The following TRPM3 variants were observed in gnomAD, a reference collection of about 807,000 sequenced individuals.
The protein encoded by TRPM3 is long transient receptor potential channel 3.
A neutral mutation model predicts 181.2 loss-of-function variants in TRPM3; 77 were observed. The ratio of observed to expected loss-of-function variants is 0.42; its 90% CI spans 0.35 to 0.51. TRPM3 has a LOEUF of 0.51. Among genes scored for constraint, TRPM3 ranks in the 20% least tolerant of loss-of-function variants. TRPM3 has a pLI of 0.01. For synonymous variants in TRPM3, 745 were observed against 796.4 expected (o/e 0.94, Z 1.09); for missense variants, 1,759 against 2,196.7 (o/e 0.80, Z 3.98).
chr9:70,981,407 G>C (rs1564896952), intron 1 of TRPM3, among the ~76,000 whole-genome samples: 1 of 152,212 alleles, frequency 6.6e-6, no homozygotes, highest in Admixed American at 6.5e-5. Context: ...CAGCTGGAAA[G>C]GAGATAGAAG....
intron 8 of TRPM3, among the ~76,000 whole-genome samples, chr9:70,694,819 C>T (rs7023527): frequency 0.36 from 55,115 of 152,090 alleles, 10,244 homozygotes; most frequent in East Asian, 0.46. Context: ...GGGCAAATTA[C>T]CATTTTAAAA....
At chr9:70,844,502 A>G (rs920360546) in intron 4 of TRPM3, among the ~76,000 whole-genome samples, 1 of 152,220 alleles carries the variant, frequency 6.6e-6, no homozygotes, top group Non-Finnish European at 1.5e-5. Flanking sequence ...CCCCCAAAAA[A>G]GGCTGTGAAT....
At chr9:70,906,800 G>A (rs932136875) in intron 1 of TRPM3, among the ~76,000 whole-genome samples, 25 of 152,286 alleles carry the variant, frequency 1.6e-4, no homozygotes, top group African/African-American at 5.5e-4. Flanking sequence ...CTACTCAGGA[G>A]GCTGAGGCAG....
At chr9:71,367,346 A>T (rs962743329) in intron 1 of TRPM3, among the ~76,000 whole-genome samples, 1 of 152,208 alleles carries the variant, frequency 6.6e-6, no homozygotes, top group Non-Finnish European at 1.5e-5. Context: ...TGTCCCAGAC[A>T]CTAGGTCTAA....
intron 1 of TRPM3, among the ~76,000 whole-genome samples, chr9:70,957,498 A>G (rs1224111016): frequency 1.3e-5 from 2 of 152,138 alleles, no homozygotes. Context: ...TTGTGAAACA[A>G]TCATGTATCT....
At chr9:71,433,326 T>A (rs1340427735) in intron 1 of TRPM3, among the ~76,000 whole-genome samples, 1 of 152,172 alleles carries the variant, frequency 6.6e-6, no homozygotes, top group Non-Finnish European at 1.5e-5. Flanking sequence ...CTTGTGACAG[T>A]GAGTGAGTTC....
At chr9:70,825,860 T>C (rs2093523522) in intron 6 of TRPM3, 1 of 152,294 alleles carries the variant, frequency 6.6e-6, no homozygotes, top group African/African-American at 2.4e-5. Context: ...CTAGGCATTC[T>C]GGAAGGTGCC....
chr9:71,249,780 G>A (rs1013761442), intron 1 of TRPM3, among the ~76,000 whole-genome samples: 6 of 152,096 alleles, frequency 3.9e-5, no homozygotes, highest in Admixed American at 2.0e-4. Context: ...GGGAATCTAC[G>A]AGATAGGAAA....
intron 8 of TRPM3, among the ~76,000 whole-genome samples, chr9:70,747,487 A>G (rs1262764527): frequency 6.6e-6 from 1 of 152,154 alleles, no homozygotes; most frequent in Non-Finnish European, 1.5e-5. Context: ...ACTGCAGGCA[A>G]AACATTCTAC....
At chr9:71,162,199 CAAAAAAAAAAA>C (rs35947110) in intron 1 of TRPM3, among the ~76,000 whole-genome samples, 3 of 74,456 alleles carry the variant, frequency 4.0e-5, no homozygotes, top group Non-Finnish European at 7.4e-5. Context: ...GACTCTGTCT[CAAAAAAAAAAA>C]AAAAAAAAAA....
rs2131557820 is a variant in TRPM3 at position 70,534,380 on chromosome 9, A to G, written c.*1573T>C. On this transcript the variant is annotated 3_prime_UTR_variant, in exon 26 of 26. Coordinates refer to ENST00000677713, the MANE Select transcript of TRPM3 (RefSeq NM_001366145.2). ...AATTCATAATTTCAACATTTGGTCT[A>G]ATAGTATAATGAACTCTTTCAATGG... 1 of 152,358 alleles carries G rather than the reference A, an allele frequency of 6.6e-6. No homozygotes were observed. Among genetic ancestry groups the G allele is most frequent in the Admixed American group, 6.5e-5 (1 of 15,304 alleles). 9.4% of individuals were successfully genotyped at this position (152,358 alleles called of 1,614,324 possible). A position where few individuals can be genotyped will look rare whatever the true frequency, so the allele number is the denominator to read the frequency against.
At chr9:71,060,012 C>A (rs2061125387) in intron 1 of TRPM3, among the ~76,000 whole-genome samples, 1 of 152,040 alleles carries the variant, frequency 6.6e-6, no homozygotes, top group Non-Finnish European at 1.5e-5. Context: ...TGGGTTTGAC[C>A]TGAGAGCTGT....
At chr9:70,543,223 ATAG>A (rs2043950699) in intron 25 of TRPM3, among the ~76,000 whole-genome samples, 2 of 152,192 alleles carry the variant, frequency 1.3e-5, no homozygotes. Flanking sequence ...TTGTGGGTAC[ATAG>A]TAGGTGTATA....
At chr9:70,854,600 G>T (rs1436160056) in intron 3 of TRPM3, among the ~76,000 whole-genome samples, 3 of 152,074 alleles carry the variant, frequency 2.0e-5, no homozygotes, top group Non-Finnish European at 4.4e-5. Flanking sequence ...TGGTGCAGGT[G>T]TTTATCTTTC....
At chr9:70,748,892 TTTA>T (rs1250002347) in intron 8 of TRPM3, among the ~76,000 whole-genome samples, 1 of 152,156 alleles carries the variant, frequency 6.6e-6, no homozygotes, top group Non-Finnish European at 1.5e-5. Context: ...TATTTTGTTT[TTTA>T]TTTTTTTGAG....
intron 1 of TRPM3, among the ~76,000 whole-genome samples, chr9:71,428,205 C>T (rs188170521): frequency 1.3e-5 from 2 of 151,858 alleles, no homozygotes; most frequent in Admixed American, 6.6e-5. Flanking sequence ...AATTCTCCTG[C>T]CTCAACCTCC....
chr9:70,985,446 C>T (rs2134065707), intron 1 of TRPM3, among the ~76,000 whole-genome samples: 1 of 152,280 alleles, frequency 6.6e-6, no homozygotes, highest in Middle Eastern at 3.4e-3. Flanking sequence ...AGTATTGAGG[C>T]TCCAAACCAG....
At chr9:71,381,532 G>A (rs1331715720) in intron 1 of TRPM3, among the ~76,000 whole-genome samples, 5 of 152,136 alleles carry the variant, frequency 3.3e-5, no homozygotes, top group Non-Finnish European at 1.5e-5. Context: ...ATCTGCGGCT[G>A]CATTAAAAAT....
rs578169328 is a variant in TRPM3 at position 70,820,489 on chromosome 9, A to C, written c.973+7358T>G. Reference sequence around the variant, plus strand: ...GGTGATCCGCCCACCTTGGCCTCCCAAAGTGCTGGGATCACAGGCGTAAGC... The same window carrying C: ...GGTGATCCGCCCACCTTGGCCTCCCCAAGTGCTGGGATCACAGGCGTAAGC... On this transcript the variant is annotated intron_variant, in intron 6 of 25. Transcript: ENST00000677713. 8.5e-5 allele frequency among the ~76,000 whole-genome samples: 13 copies of C among 152,314 alleles called. No individual in the cohort carries two copies. The South Asian group carries it at 2.7e-3, about 32-fold the overall frequency.
Sources: gnomAD v4.1 joint callset for allele counts (sites outside exome capture counted in the v4.1 genomes callset) on GRCh38, gnomAD v4.1.1 for gene constraint, MANE v1.5 for transcripts, NCBI Gene and HGNC (gene_info 2026-07-23, HGNC 2026-07-21) for gene names.